The following CACNA2D3 variants were observed in gnomAD, a reference collection of about 807,000 sequenced individuals.
CACNA2D3 encodes the protein voltage-dependent calcium channel subunit alpha-2/delta-3.
In CACNA2D3, 60 loss-of-function variants were observed where a neutral mutation model predicts 160.6. The observed-to-expected ratio is 0.37, with a 90% CI of 0.30 to 0.46. The LOEUF is 0.46. Among genes scored for constraint, CACNA2D3 ranks in the 20% least tolerant of loss-of-function variants. The pLI, the probability that CACNA2D3 is intolerant of heterozygous loss-of-function variation, is 1.00. For missense variants in CACNA2D3, 1,205 were observed against 1,365.0 expected (o/e 0.88, Z 1.85); for synonymous variants, 558 against 492.9 (o/e 1.13, Z -1.75).
At chr3:54,817,039 C>T (rs1703473572) in intron 14 of CACNA2D3, among the ~76,000 whole-genome samples, 169 bp downstream of exon 14, 1 of 152,164 alleles carries the variant, frequency 6.6e-6, no homozygotes, top group Non-Finnish European at 1.5e-5. Context: ...CTCAGTTGTC[C>T]ACTGCTCCTT....
chr3:54,707,353 G>A (rs1700875937), intron 11 of CACNA2D3, among the ~76,000 whole-genome samples: 1 of 152,154 alleles, frequency 6.6e-6, no homozygotes, highest in Non-Finnish European at 1.5e-5. Flanking sequence ...TATGTTCATT[G>A]GATGTTCCCA....
chr3:54,566,292 T>C (rs1373743876), intron 6 of CACNA2D3, among the ~76,000 whole-genome samples: 1 of 152,198 alleles, frequency 6.6e-6, no homozygotes, highest in East Asian at 1.9e-4. Flanking sequence ...GGCATGCCCA[T>C]CTGTTGGCTA....
chr3:54,400,383 C>T (rs965033690), intron 4 of CACNA2D3, among the ~76,000 whole-genome samples: 3 of 151,980 alleles, frequency 2.0e-5, no homozygotes, highest in Non-Finnish European at 2.9e-5. Flanking sequence ...ACCCTGAGCC[C>T]ACGACTCCTC....
intron 27 of CACNA2D3, among the ~76,000 whole-genome samples, chr3:54,931,816 C>G (rs1409141718): frequency 6.6e-6 from 1 of 152,148 alleles, no homozygotes; most frequent in African/African-American, 2.4e-5. Flanking sequence ...ATTAACCCTA[C>G]AATAAAATTG....
At chr3:54,883,484 T>C (rs1699849924) in intron 21 of CACNA2D3, among the ~76,000 whole-genome samples, 1 of 152,202 alleles carries the variant, frequency 6.6e-6, no homozygotes, top group Admixed American at 6.5e-5. Context: ...CTTGGTGCCC[T>C]AGGAACCCAG....
chr3:54,720,019 T>C (rs959094860), intron 11 of CACNA2D3, among the ~76,000 whole-genome samples: 1 of 152,034 alleles, frequency 6.6e-6, no homozygotes, highest in Non-Finnish European at 1.5e-5. Context: ...ATGATTAATT[T>C]ATGTTTTCAC....
chr3:54,587,698 A>G (rs1702787308), intron 9 of CACNA2D3, among the ~76,000 whole-genome samples: 1 of 152,372 alleles, frequency 6.6e-6, no homozygotes, highest in Non-Finnish European at 1.5e-5. Context: ...CTTTACACTC[A>G]TGAATTAACG....
chr3:54,682,206 A>G (rs1340775531), intron 11 of CACNA2D3, among the ~76,000 whole-genome samples: 1 of 151,808 alleles, frequency 6.6e-6, no homozygotes, highest in East Asian at 1.9e-4. Flanking sequence ...ACAAAACCCT[A>G]GTAATGTCAT....
intron 2 of CACNA2D3, among the ~76,000 whole-genome samples, chr3:54,145,104 A>G (rs1041591065): frequency 2.0e-5 from 3 of 152,244 alleles, no homozygotes; most frequent in African/African-American, 7.2e-5. Flanking sequence ...TTAAAAAGAT[A>G]GACCAAGATC....
chr3:54,641,775 C>A (rs1279240223), intron 10 of CACNA2D3, among the ~76,000 whole-genome samples: 1 of 152,154 alleles, frequency 6.6e-6, no homozygotes, highest in East Asian at 1.9e-4. Flanking sequence ...CTGATCAGTT[C>A]TCCCAAAACT....
At chr3:54,702,448 C>A (rs1452497011) in intron 11 of CACNA2D3, among the ~76,000 whole-genome samples, 1 of 152,098 alleles carries the variant, frequency 6.6e-6, no homozygotes, top group Non-Finnish European at 1.5e-5. Context: ...CATGAACAGA[C>A]ACTTCTCAAA....
intron 11 of CACNA2D3, among the ~76,000 whole-genome samples, chr3:54,665,865 A>G (rs1016493573): frequency 1.3e-5 from 2 of 151,088 alleles, no homozygotes; most frequent in East Asian, 3.9e-4. Context: ...TGCACTGCAC[A>G]ATCATGGCTC....
intron 4 of CACNA2D3, among the ~76,000 whole-genome samples, chr3:54,481,000 G>A (rs1451835888): frequency 1.3e-5 from 2 of 152,140 alleles, no homozygotes; most frequent in Non-Finnish European, 2.9e-5. Flanking sequence ...TGGGTCCTGG[G>A]ACACTCTCTG....
At chr3:54,699,363 T>G (rs566166556) in intron 11 of CACNA2D3, among the ~76,000 whole-genome samples, 1 of 152,102 alleles carries the variant, frequency 6.6e-6, no homozygotes, top group African/African-American at 2.4e-5. Flanking sequence ...CTGAGCTCCT[T>G]CTTTAATGGG....
chr3:54,876,169 TC>T (rs1247243723), intron 18 of CACNA2D3: 5 of 152,162 alleles, frequency 3.3e-5, no homozygotes, highest in Non-Finnish European at 4.4e-5. Context: ...CATCTTGCCC[TC>T]CCCGCCTTAG....
At chr3:54,217,116 T>C (rs1180924846) in intron 2 of CACNA2D3, among the ~76,000 whole-genome samples, 1 of 152,078 alleles carries the variant, frequency 6.6e-6, no homozygotes. Flanking sequence ...AGGCACAGTG[T>C]GCAGTGAGCA....
chr3:54,621,952 ACTT>A (rs1698995816), intron 9 of CACNA2D3, among the ~76,000 whole-genome samples: 1 of 152,154 alleles, frequency 6.6e-6, no homozygotes, highest in Non-Finnish European at 1.5e-5. Context: ...CTTTCAGATG[ACTT>A]CTTTTTTCGG....
chr3:54,850,834 A>G (rs1575510898), intron 17 of CACNA2D3, among the ~76,000 whole-genome samples: 1 of 152,364 alleles, frequency 6.6e-6, no homozygotes, highest in Non-Finnish European at 1.5e-5. Flanking sequence ...AGGATGCTGT[A>G]GGGTTTTCAT....
intron 2 of CACNA2D3, among the ~76,000 whole-genome samples, chr3:54,131,721 T>C (rs1395630392): frequency 1.3e-5 from 2 of 152,174 alleles, no homozygotes; most frequent in African/African-American, 4.8e-5. Flanking sequence ...AGGGGCACAA[T>C]GACAAATGCA....
Sources: gnomAD v4.1 joint callset for allele counts (sites outside exome capture counted in the v4.1 genomes callset) on GRCh38, gnomAD v4.1.1 for gene constraint, MANE v1.5 for transcripts, NCBI Gene and HGNC (gene_info 2026-07-23, HGNC 2026-07-21) for gene names.